PAPLN: variants seen among roughly 807,000 people sequenced by gnomAD.
PAPLN encodes the protein papilin, proteoglycan like sulfated glycoprotein, also known as papilin.
Under a neutral mutation model 159.0 loss-of-function variants are expected in PAPLN, and 146 were observed. That is an observed-to-expected ratio of 0.92 (90% CI 0.80 to 1.05). The LOEUF is 1.05. Ranked by LOEUF, PAPLN falls within the 50% of genes least tolerant of loss-of-function variation. The pLI is 0.00. For synonymous variants in PAPLN, 734 were observed against 702.9 expected, an observed-to-expected ratio of 1.04 and a Z score of -0.70; for missense variants, 1,720 against 1,743.9, an observed-to-expected ratio of 0.99 and a Z score of 0.24.
Position 73,252,011 on chromosome 14 carries a change from G to T in PAPLN, c.844-7G>T, listed in dbSNP as rs756656538. ...AGCAGACCCCAACAAGGACTCTCCCGTGACAGCTCATCAGCCAGGAGCCCA... is the reference window on the plus strand; with the variant it reads ...AGCAGACCCCAACAAGGACTCTCCCTTGACAGCTCATCAGCCAGGAGCCCA... On this transcript the variant is annotated splice_region_variant and splice_polypyrimidine_tract_variant and intron_variant, in intron 9 of 26. Transcript: ENST00000644200. The T allele has an allele frequency of 6.2e-7, 1 of 1,603,898 alleles. No individual in the cohort carries two copies. The highest frequency in any genetic ancestry group is 1.1e-5 in the South Asian group (1 of 89,714).
chr14:73,246,221 A>C (rs766097221), intron 5 of PAPLN, 46 bp downstream of exon 5: 1 of 1,445,320 alleles, frequency 6.9e-7, no homozygotes, highest in Non-Finnish European at 9.3e-7. Flanking sequence ...TTGTATACCT[A>C]CGTTGATGCC....
chr14:73,270,118 T>C (rs575373099), intron 26 of PAPLN, among the ~76,000 whole-genome samples: 1 of 152,180 alleles, frequency 6.6e-6, no homozygotes, highest in Non-Finnish European at 1.5e-5. Context: ...GGTTACAGGG[T>C]TCCTTCCTGC....
Position 73,245,840 on chromosome 14 carries a change from TG to T in PAPLN, c.231+149del. ...CCCGCCAATCCACAGCAGGGCTGCG[TG>T]GGGGCCCCTTCCTCACCCTGCTCCC... On this transcript the variant is annotated intron_variant, in intron 4 of 26. Transcript: ENST00000644200. This position sits in a 1 kb window ranked among gnomAD's most constrained non-coding sequence, Gnocchi z 4.2. The T allele has an allele frequency of 1.8e-6, 2 of 1,127,676 alleles. No homozygotes were observed. The highest frequency in any genetic ancestry group is 2.9e-4 in the Middle Eastern group (1 of 3,442). 69.9% of individuals were successfully genotyped at this position (1,127,676 alleles called of 1,614,324 possible).
intron 9 of PAPLN, 76 bp from the exon 10 acceptor site, chr14:73,251,942 C>T: frequency 6.4e-7 from 1 of 1,552,032 alleles, no homozygotes. Flanking sequence ...TTGAGGCTGG[C>T]AGGGGGCTGT....
chr14:73,260,921 C>T (rs1325713684), intron 17 of PAPLN, 92 bp downstream of exon 17: 24 of 1,468,026 alleles, frequency 1.6e-5, no homozygotes, highest in South Asian at 4.2e-5. Context: ...GCTTTGGCCT[C>T]GGAGAAAGGA....
intron 26 of PAPLN, 42 bp from the exon 27 acceptor site, chr14:73,272,453 A>T: frequency 6.8e-7 from 1 of 1,460,324 alleles, no homozygotes; most frequent in South Asian, 1.5e-5. Flanking sequence ...CAGCATACAC[A>T]GAGCTTCCTC....
chr14:73,247,661 TGC>T (rs1555360990), intron 5 of PAPLN, among the ~76,000 whole-genome samples: 19 of 140,864 alleles, frequency 1.3e-4, no homozygotes, highest in African/African-American at 1.3e-4. Context: ...TGTGTGTGTG[TGC>T]GTGTGTGTGT....
intron 20 of PAPLN, 119 bp from the exon 21 acceptor site, chr14:73,264,092 G>A (rs1016813945): frequency 1.3e-6 from 2 of 1,576,288 alleles, no homozygotes; most frequent in African/African-American, 2.7e-5. Flanking sequence ...GCCTCACTTG[G>A]GGTGGGAGGG....
Position 73,259,019 on chromosome 14 carries a change from C to G in PAPLN, c.1668C>G (p.Asn556Lys), listed in dbSNP as rs775601253. Reference protein sequence around the residue: ...SMQDVHTPASNPWMPLGPQES... With the variant: ...SMQDVHTPASKPWMPLGPQES... ...AGGATGTGCACACCCCTGCCAGCAA[C>G]CCCTGGATGCCGTTGGGCCCTCAGG... Residue 556 changes from asparagine to lysine, a missense_variant, in exon 15 of 27, where the codon AAC becomes AAG. Transcript: ENST00000644200. 2.5e-6 allele frequency: 4 copies of G among 1,612,906 alleles called. No individual in the cohort carries two copies. The Admixed American group carries it at 5.0e-5, about 20-fold the overall frequency.
At chr14:73,268,836 G>T in intron 26 of PAPLN, 113 bp downstream of exon 26, 1 of 1,277,938 alleles carries the variant, frequency 7.8e-7, no homozygotes, top group Non-Finnish European at 1.0e-6. Flanking sequence ...GGCTCACCCT[G>T]CCAGTTGCTG....
intron 7 of PAPLN, 70 bp downstream of exon 7, chr14:73,251,100 G>A (rs941803510): frequency 1.2e-5 from 18 of 1,551,972 alleles, no homozygotes; most frequent in Non-Finnish European, 1.5e-5. Flanking sequence ...GCCTGTCCCT[G>A]CTCTGGCCTA....
At chr14:73,246,272 A>G (rs1351819617) in intron 5 of PAPLN, 97 bp downstream of exon 5, 10 of 1,029,706 alleles carry the variant, frequency 9.7e-6, no homozygotes, top group Non-Finnish European at 1.4e-5. Flanking sequence ...TGTCATATAT[A>G]TATATATTAG....
In PAPLN at chr14:73,252,708, T is replaced by TGCCAGC. The variant is rs1195290060; in HGVS notation, c.1034_1039dup (p.Arg345_Gln346dup). ...CCATGAGGCCTACCCCGACCACATGTGCCAGCGCCAGCCACGGCCAGCTGA... is the reference window on the plus strand; with the variant it reads ...CCATGAGGCCTACCCCGACCACATGTGCCAGCGCCAGCGCCAGCCACGGCCAGCTGA... On this transcript the variant is annotated inframe_insertion, in exon 11 of 27. Transcript: ENST00000644200. 3.1e-6 allele frequency: 5 copies of TGCCAGC among 1,613,426 alleles called. No homozygotes were observed. The Admixed American group carries it at 5.0e-5, about 16-fold the overall frequency.
At position 73,244,588 on chromosome 14, in the gene PAPLN, C is replaced by T; in HGVS notation, c.55-56C>T. On this transcript the variant is annotated intron_variant, in intron 2 of 26. Coordinates refer to ENST00000644200, the MANE Select transcript of PAPLN (RefSeq NM_001365906.3). ...TTTAGGCAGAGCATCTTTGGAGGGG[C>T]CTCTGGGCTCAGGCTGTGAGTGGGC... 4 of 1,418,004 alleles carry T rather than the reference C, an allele frequency of 2.8e-6. No homozygotes were observed. The South Asian group carries it at 3.7e-5, about 13-fold the overall frequency. The allele number at this position is 1,418,004 out of a possible 1,614,324, so 87.8% of individuals were successfully genotyped here. A position where few individuals can be genotyped will look rare whatever the true frequency, so the allele number is the denominator to read the frequency against.
At position 73,246,076 on chromosome 14, in the gene PAPLN, T is replaced by C. The variant is rs573264527; in HGVS notation, c.235T>C (p.Cys79Arg). The C allele has an allele frequency of 6.5e-7, 1 of 1,549,784 alleles. No homozygotes were observed. Among genetic ancestry groups the C allele is most frequent in the Non-Finnish European group, 8.7e-7 (1 of 1,152,204 alleles). The change falls in exon 5 of 27, where the codon TGC becomes CGC. Residue 79 changes from cysteine (C) to arginine (R), a missense_variant. Coordinates refer to ENST00000644200, the MANE Select transcript of PAPLN (RefSeq NM_001365906.3). The part of the protein sequence containing the change: ...RSHRSCRTES[C>R]PDGARDFRAE... Reference sequence around the variant, plus strand: ...CGACTTCCCCTCCGCCCCGCAGAGCTGCCCCGACGGCGCCCGGGACTTCCG... The same window carrying C: ...CGACTTCCCCTCCGCCCCGCAGAGCCGCCCCGACGGCGCCCGGGACTTCCG...
chr14:73,246,316 G>A, intron 5 of PAPLN, 141 bp downstream of exon 5: 1 of 705,664 alleles, frequency 1.4e-6, no homozygotes, highest in South Asian at 3.1e-5. Context: ...GGCTGGTCTT[G>A]AACTCCTGGG....
intron 5 of PAPLN, among the ~76,000 whole-genome samples, chr14:73,246,614 CTT>C (rs981166840): frequency 6.8e-6 from 1 of 147,532 alleles, no homozygotes; most frequent in African/African-American, 2.5e-5. Flanking sequence ...CTTTCCTTTC[CTT>C]TTTTTCTTTT....
At chr14:73,267,295 C>T (rs1887322465) in intron 25 of PAPLN, among the ~76,000 whole-genome samples, 1 of 152,066 alleles carries the variant, frequency 6.6e-6, no homozygotes, top group Admixed American at 6.5e-5. Flanking sequence ...GGTCTTTTAC[C>T]CTAGATCAAT....
rs550803317 is a variant in PAPLN at position 73,245,247 on chromosome 14, A to G, written c.171-389A>G. 4.4e-5 allele frequency: 10 copies of G among 228,906 alleles called. No homozygotes were observed. In the South Asian group the frequency reaches 6.8e-4, roughly 16 times the overall value. 14.2% of individuals were successfully genotyped at this position (228,906 alleles called of 1,614,324 possible). ...TATAGGGGTTGTTCCTGAGAACCCT[A>G]TGTGAGGAGGAATGAGAGACCAGGA... On this transcript the variant is annotated intron_variant, in intron 3 of 26. Transcript: ENST00000644200. This position sits in a 1 kb window ranked among gnomAD's most constrained non-coding sequence, Gnocchi z 4.2.
Sources: gnomAD v4.1 joint callset for allele counts (sites outside exome capture counted in the v4.1 genomes callset) on GRCh38, gnomAD v4.1.1 for gene constraint, Gnocchi (gnomAD v3.1) non-coding constraint, MANE v1.5 for transcripts, NCBI Gene and HGNC (gene_info 2026-07-23, HGNC 2026-07-21) for gene names.